PDZK1: variants seen among roughly 807,000 people sequenced by gnomAD.
The protein encoded by PDZK1 is PDZ domain containing 1.
A neutral mutation model predicts 38.1 loss-of-function variants in PDZK1; 23 were observed. The observed-to-expected ratio is 0.60, with a 90% CI of 0.43 to 0.85. PDZK1 has a LOEUF of 0.85. Among genes scored for constraint, PDZK1 ranks in the 40% least tolerant of loss-of-function variants. PDZK1 has a pLI of 0.00. For synonymous variants in PDZK1, 98 were observed against 186.2 expected, an observed-to-expected ratio of 0.53 and a Z score of 3.86; for missense variants, 297 against 504.3, an observed-to-expected ratio of 0.59 and a Z score of 3.94.
rs1300713695 is a variant in PDZK1 at position 145,671,258 on chromosome 1, T to C, written c.*178A>G. On this transcript the variant is annotated 3_prime_UTR_variant, in exon 9 of 9. Transcript: ENST00000417171. Reference sequence around the variant, plus strand: ...TTAAGCATAAATTAGCCGTCTGCAATAGCCGCCTGTAAGACAAATGATAAC... The same window carrying C: ...TTAAGCATAAATTAGCCGTCTGCAACAGCCGCCTGTAAGACAAATGATAAC... 3.4e-6 allele frequency: 4 copies of C among 1,176,616 alleles called. No individual in the cohort carries two copies. Among genetic ancestry groups the C allele is most frequent in the African/African-American group, 3.1e-5 (2 of 63,566 alleles). The allele number at this position is 1,176,616 out of a possible 1,614,324, so 72.9% of individuals were successfully genotyped here.
rs782157592 is a variant in PDZK1, at chr1:145,674,810, C to G, written c.991-929G>C. On this transcript the variant is annotated intron_variant, in intron 6 of 8. Coordinates refer to ENST00000417171, the MANE Select transcript of PDZK1 (RefSeq NM_001201325.2). The stretch of plus-strand genomic sequence containing the variant: ...AGCCAATTCCCCTAATTAATCTCCT[C>G]TCATACCTGTATCTATATCCTACTA... Among the ~76,000 whole-genome samples, 103 of 152,246 alleles carry G rather than the reference C, an allele frequency of 6.8e-4. 1 individual carries two copies. The highest frequency in any genetic ancestry group is 1.0e-3 in the Non-Finnish European group (70 of 68,020).
At chr1:145,698,506 T>C (rs1207456352) in intron 1 of PDZK1, among the ~76,000 whole-genome samples, 3 of 152,174 alleles carry the variant, frequency 2.0e-5, no homozygotes, top group Non-Finnish European at 4.4e-5. Context: ...CAACTTAGGT[T>C]AAAATATATA....
intron 1 of PDZK1, among the ~76,000 whole-genome samples, chr1:145,693,976 G>A (rs1350631123): frequency 6.6e-6 from 1 of 152,092 alleles, no homozygotes; most frequent in Non-Finnish European, 1.5e-5. Flanking sequence ...TGCAGTCCTC[G>A]GGATCCTGTG....
intron 3 of PDZK1, among the ~76,000 whole-genome samples, chr1:145,683,576 A>G (rs1367710848): frequency 2.6e-5 from 4 of 152,196 alleles, no homozygotes; most frequent in African/African-American, 9.7e-5. Flanking sequence ...AATGCTGTCA[A>G]TTCTTCAAAG....
intron 6 of PDZK1, among the ~76,000 whole-genome samples, chr1:145,675,012 C>G (rs1261268947): frequency 6.6e-6 from 1 of 152,104 alleles, no homozygotes; most frequent in Admixed American, 6.6e-5. Context: ...CTTGCCAATA[C>G]CCTCCCCTTC....
rs587716450 is a variant in PDZK1, at chr1:145,681,584, G to A, written c.598-477C>T. Among the ~76,000 whole-genome samples the A allele has an allele frequency of 4.4e-4, 63 of 142,890 alleles. 1 individual carries two copies. The highest frequency in any genetic ancestry group is 2.1e-3 in the East Asian group (10 of 4,766). The allele number at this position is 142,890 out of a possible 152,430, so 93.7% of individuals were successfully genotyped here. On this transcript the variant is annotated intron_variant, in intron 4 of 8. Transcript: ENST00000417171. ...ATTACAGGCGTGAGCCACCGCGCCC[G>A]GCCCCTATCTCCACTTCTATAGTTG... is the stretch of plus-strand genomic sequence containing the variant.
At position 145,686,541 on chromosome 1, in the gene PDZK1, C is replaced by T; in HGVS notation, c.396G>A (p.Gln132=). The part of the protein sequence containing the change: ...VMNGGVQTWT[Q]PRLCYLVKEG... The stretch of plus-strand genomic sequence containing the variant: ...CCTTCACGAGATAGCAGAGCCGGGG[C>T]TGGGTCCAAGTTTGCACACCTCCAT... The change falls in exon 3 of 9, where the codon CAG becomes CAA. Residue 132 remains glutamine, a synonymous_variant. Coordinates refer to ENST00000417171, the MANE Select transcript of PDZK1 (RefSeq NM_001201325.2). 6.2e-7 allele frequency: 1 copy of T among 1,611,914 alleles called. No homozygotes were observed.
intron 3 of PDZK1, among the ~76,000 whole-genome samples, chr1:145,683,324 GC>G (rs1654440811): frequency 6.6e-6 from 1 of 152,218 alleles, no homozygotes; most frequent in Non-Finnish European, 1.5e-5. Flanking sequence ...GGTGGCCTTG[GC>G]CCCTTGAACC....
rs587721532 is a variant in PDZK1 at position 145,693,747 on chromosome 1, C to G, written c.-2-5724G>C. Reference sequence around the variant, plus strand: ...TGAGATCAGGCCACTGAACTCCAGCCTGGGTGACAGAGCGAGACTCCACCA... The same window carrying G: ...TGAGATCAGGCCACTGAACTCCAGCGTGGGTGACAGAGCGAGACTCCACCA... On this transcript the variant is annotated intron_variant, in intron 1 of 8. Transcript: ENST00000417171. 2.3e-3 allele frequency among the ~76,000 whole-genome samples: 350 copies of G among 151,364 alleles called. 4 individuals carry two copies. The highest frequency in any genetic ancestry group is 8.3e-3 in the African/African-American group (341 of 41,228).
chr1:145,706,972 G>T (rs1275551631), intron 1 of PDZK1, among the ~76,000 whole-genome samples: 2 of 151,968 alleles, frequency 1.3e-5, no homozygotes, highest in Non-Finnish European at 2.9e-5. Flanking sequence ...GGGCATATCC[G>T]CCTGGTTACC....
At chr1:145,695,398 G>A (rs1299525201) in intron 1 of PDZK1, among the ~76,000 whole-genome samples, 5 of 152,000 alleles carry the variant, frequency 3.3e-5, no homozygotes, top group Admixed American at 6.6e-5. Context: ...TCCAGCCCGG[G>A]TGACAGAGTG....
chr1:145,704,513 G>A (rs1237447172), intron 1 of PDZK1, among the ~76,000 whole-genome samples: 1 of 152,152 alleles, frequency 6.6e-6, no homozygotes, highest in East Asian at 1.9e-4. Flanking sequence ...GACACTATGT[G>A]CATTCATTTA....
chr1:145,689,051 C>A (rs1156639850), intron 1 of PDZK1, among the ~76,000 whole-genome samples: 2 of 152,110 alleles, frequency 1.3e-5, no homozygotes, highest in Non-Finnish European at 2.9e-5. Flanking sequence ...CTAGCCACAG[C>A]AGAAAAGAGA....
chr1:145,676,370 A>G (rs1416329305), intron 6 of PDZK1, among the ~76,000 whole-genome samples: 2 of 151,798 alleles, frequency 1.3e-5, no homozygotes, highest in Non-Finnish European at 2.9e-5. Context: ...TGGCAGCTTC[A>G]GTTGGTTCTT....
chr1:145,700,239 GCTCAAATAA>G (rs1655884866), intron 1 of PDZK1, among the ~76,000 whole-genome samples: 1 of 152,100 alleles, frequency 6.6e-6, no homozygotes, highest in South Asian at 2.1e-4. Context: ...ATGAAAGAAA[GCTCAAATAA>G]TAAACTCTGG....
chr1:145,682,009 A>ACAC (rs1553700481), intron 4 of PDZK1, among the ~76,000 whole-genome samples: 1 of 108,264 alleles, frequency 9.2e-6, no homozygotes, highest in Non-Finnish European at 1.8e-5. Flanking sequence ...ATCTCTACAA[A>ACAC]ACACACACAC....
intron 1 of PDZK1, among the ~76,000 whole-genome samples, chr1:145,702,752 G>A (rs1553705161): frequency 6.6e-6 from 1 of 152,120 alleles, no homozygotes; most frequent in Admixed American, 6.5e-5. Flanking sequence ...AATTAGCTGG[G>A]TGTGGTGGCG....
At chr1:145,688,127 A>C in intron 1 of PDZK1, 104 bp from the exon 2 acceptor site, 2 of 965,736 alleles carry the variant, frequency 2.1e-6, no homozygotes, top group Non-Finnish European at 3.3e-6. Context: ...CAATCACCAA[A>C]TCTAGACTGC....
intron 1 of PDZK1, among the ~76,000 whole-genome samples, chr1:145,698,143 T>C (rs1336071617): frequency 6.6e-6 from 1 of 152,032 alleles, no homozygotes; most frequent in Non-Finnish European, 1.5e-5. Context: ...ACTTGGAGAA[T>C]ATGGAGCAAA....
Sources: gnomAD v4.1 joint callset for allele counts (sites outside exome capture counted in the v4.1 genomes callset) on GRCh38, gnomAD v4.1.1 for gene constraint, MANE v1.5 for transcripts, NCBI Gene and HGNC (gene_info 2026-07-23, HGNC 2026-07-21) for gene names.